Variants in PTPRD observed in about 807,000 individuals in gnomAD.
PTPRD encodes the protein protein tyrosine phosphatase receptor type D, also known as receptor-type tyrosine-protein phosphatase delta.
Under a neutral mutation model 214.5 loss-of-function variants are expected in PTPRD, and 34 were observed. The observed-to-expected ratio is 0.16, with a 90% CI of 0.12 to 0.21. The LOEUF (loss-of-function observed/expected upper bound fraction) is 0.21. Ranked by LOEUF, PTPRD falls within the 10% of genes least tolerant of loss-of-function variation. The pLI, the probability that PTPRD is intolerant of heterozygous loss-of-function variation, is 1.00. For synonymous variants in PTPRD, 1,128 were observed against 845.7 expected, an observed-to-expected ratio of 1.33 and a Z score of -5.79; for missense variants, 2,545 against 2,398.7, an observed-to-expected ratio of 1.06 and a Z score of -1.27.
chr9:8,923,074 C>G (rs1444873172), intron 11 of PTPRD, among the ~76,000 whole-genome samples: 7 of 150,598 alleles, frequency 4.6e-5, no homozygotes, highest in Non-Finnish European at 1.5e-5. Context: ...CTGAGTCTCG[C>G]TCTGTCATCC....
chr9:8,724,825 C>A (rs2098540229), intron 12 of PTPRD, among the ~76,000 whole-genome samples: 1 of 151,998 alleles, frequency 6.6e-6, no homozygotes, highest in East Asian at 1.9e-4. Flanking sequence ...GTAATCCCAG[C>A]TACTAGTGAT....
At chr9:9,112,123 T>C (rs1172645545) in intron 10 of PTPRD, among the ~76,000 whole-genome samples, 1 of 152,158 alleles carries the variant, frequency 6.6e-6, no homozygotes, top group Non-Finnish European at 1.5e-5. Flanking sequence ...TACAAAGCCA[T>C]GCTAGAATAA....
chr9:8,511,120 G>A (rs953032399), intron 21 of PTPRD, among the ~76,000 whole-genome samples: 1 of 152,042 alleles, frequency 6.6e-6, no homozygotes, highest in Non-Finnish European at 1.5e-5. Flanking sequence ...CCAGGCTGGA[G>A]TGCAATGGCA....
At chr9:9,567,341 G>C (rs2084895902) in intron 8 of PTPRD, among the ~76,000 whole-genome samples, 1 of 151,920 alleles carries the variant, frequency 6.6e-6, no homozygotes, top group African/African-American at 2.4e-5. Flanking sequence ...AAGAACATAG[G>C]TATGCCGGTC....
intron 8 of PTPRD, among the ~76,000 whole-genome samples, chr9:9,546,110 T>A (rs1458111262): frequency 6.6e-6 from 1 of 151,754 alleles, no homozygotes; most frequent in African/African-American, 2.4e-5. Flanking sequence ...TATAGAAATA[T>A]ATAGCAGTTT....
At chr9:9,838,003 G>A (rs148527745) in intron 5 of PTPRD, among the ~76,000 whole-genome samples, 1,861 of 152,168 alleles carry the variant, frequency 0.012, 25 homozygotes, top group Middle Eastern at 0.027. Flanking sequence ...CCACCAATGA[G>A]TGAGAACACA....
chr9:9,340,724 A>G (rs1471161974), intron 9 of PTPRD, among the ~76,000 whole-genome samples: 1 of 152,240 alleles, frequency 6.6e-6, no homozygotes. Flanking sequence ...TTCCTTACTT[A>G]TAGGAATTAA....
At chr9:9,114,143 GC>G (rs1295321474) in intron 10 of PTPRD, among the ~76,000 whole-genome samples, 1 of 152,152 alleles carries the variant, frequency 6.6e-6, no homozygotes, top group African/African-American at 2.4e-5. Flanking sequence ...TTTAGTCAAT[GC>G]AAACAAAACA....
intron 3 of PTPRD, among the ~76,000 whole-genome samples, chr9:10,088,987 A>T (rs935939672): frequency 6.6e-6 from 1 of 151,656 alleles, no homozygotes; most frequent in African/African-American, 2.4e-5. Flanking sequence ...AAAAGGACCA[A>T]TTGAGGCTAG....
At chr9:9,023,462 G>A (rs2099576306) in intron 10 of PTPRD, among the ~76,000 whole-genome samples, 2 of 151,704 alleles carry the variant, frequency 1.3e-5, no homozygotes. Context: ...TGGATTACTT[G>A]GACCGAAACA....
In PTPRD at chr9:9,969,799, A is replaced by G. The variant is rs59147123; in HGVS notation, c.-471-31189T>C. ...AACTTTGCAATAGCAAAAGATTTCAAACTTTTAAAAAATTAACATGTCTTC... is the reference window on the plus strand; with the variant it reads ...AACTTTGCAATAGCAAAAGATTTCAGACTTTTAAAAAATTAACATGTCTTC... On this transcript the variant is annotated intron_variant, in intron 4 of 45. Transcript: ENST00000381196. Among the ~76,000 whole-genome samples the G allele has an allele frequency of 2.5e-3, 377 of 152,342 alleles. 2 individuals are homozygous for G. The highest frequency in any genetic ancestry group is 8.7e-3 in the African/African-American group (361 of 41,578).
chr9:10,092,286 T>A (rs939525862), intron 3 of PTPRD, among the ~76,000 whole-genome samples: 9 of 151,446 alleles, frequency 5.9e-5, no homozygotes, highest in African/African-American at 2.2e-4. Flanking sequence ...GCTTCTGTTA[T>A]TCCTTAATAA....
intron 11 of PTPRD, among the ~76,000 whole-genome samples, chr9:8,848,904 C>T (rs976316907): frequency 7.6e-6 from 1 of 131,444 alleles, no homozygotes; most frequent in African/African-American, 2.8e-5. Context: ...TTATTTTAGA[C>T]ATTAAACATA....
intron 8 of PTPRD, among the ~76,000 whole-genome samples, chr9:9,480,650 C>T (rs1395783589): frequency 6.6e-6 from 1 of 151,968 alleles, no homozygotes; most frequent in Non-Finnish European, 1.5e-5. Context: ...TTTTCAAATA[C>T]ATGATATGTA....
chr9:9,313,018 C>G (rs1959943142), intron 9 of PTPRD, among the ~76,000 whole-genome samples: 1 of 152,064 alleles, frequency 6.6e-6, no homozygotes, highest in Non-Finnish European at 1.5e-5. Context: ...TTTTATTAAT[C>G]TTTCTTAAGT....
chr9:9,397,172 G>A (rs930439147), intron 9 of PTPRD, among the ~76,000 whole-genome samples: 5 of 152,020 alleles, frequency 3.3e-5, no homozygotes, highest in African/African-American at 1.2e-4. Context: ...ACTAACAACA[G>A]GATATTACTT....
At position 8,338,902 on chromosome 9, in the gene PTPRD, T is replaced by C; in HGVS notation, c.5379+20A>G. On this transcript the variant is annotated intron_variant, in intron 43 of 45. Coordinates refer to ENST00000381196, the MANE Select transcript of PTPRD (RefSeq NM_002839.4). ...TACTTTTCAGCTAATGGTTAAGAGTTGAAGACTGTGCCAACTTACCCTGGC... is the reference window on the plus strand; with the variant it reads ...TACTTTTCAGCTAATGGTTAAGAGTCGAAGACTGTGCCAACTTACCCTGGC... 6.3e-7 allele frequency: 1 copy of C among 1,598,068 alleles called. No individual in the cohort carries two copies. Among genetic ancestry groups the C allele is most frequent in the Non-Finnish European group, 8.5e-7 (1 of 1,170,152 alleles).
intron 37 of PTPRD, among the ~76,000 whole-genome samples, chr9:8,381,035 C>G (rs1467967307): frequency 6.6e-6 from 1 of 152,116 alleles, no homozygotes; most frequent in Non-Finnish European, 1.5e-5. Context: ...ACGTATTTGC[C>G]ACGAGATTAT....
intron 20 of PTPRD, 26 bp downstream of exon 20, chr9:8,521,251 C>T (rs2138844764): frequency 6.3e-7 from 1 of 1,591,488 alleles, no homozygotes; most frequent in South Asian, 1.1e-5. Context: ...TACCCAGATC[C>T]TCAAAGCATA....
Sources: allele counts gnomAD v4.1 joint callset (sites outside exome capture counted in the v4.1 genomes callset), GRCh38; gene constraint gnomAD v4.1.1; transcripts MANE v1.5; gene names NCBI Gene and HGNC (gene_info 2026-07-23, HGNC 2026-07-21).